The following TUSC3 variants were observed in gnomAD, a reference collection of about 807,000 sequenced individuals.
The protein encoded by TUSC3 is tumor suppressor candidate 3.
Under a neutral mutation model 44.8 loss-of-function variants are expected in TUSC3, and 45 were observed. The ratio of observed to expected loss-of-function variants is 1.00; its 90% confidence interval spans 0.79 to 1.29. The LOEUF (loss-of-function observed/expected upper bound fraction) is 1.29, where lower values mean the gene tolerates loss of function less well. Ranked by LOEUF, TUSC3 falls within the 50% of genes most tolerant of loss-of-function variation. The pLI is 0.00. For missense variants in TUSC3, 519 were observed against 437.9 expected, an observed-to-expected ratio of 1.19 and a Z score of -1.65; for synonymous variants, 212 against 152.9, an observed-to-expected ratio of 1.39 and a Z score of -2.85.
At chr8:15,523,682 G>GTATATATATATA (rs1167010172) in intron 2 of TUSC3, among the ~76,000 whole-genome samples, 1 of 38,624 alleles carries the variant, frequency 2.6e-5, no homozygotes, top group Admixed American at 2.9e-4. Flanking sequence ...GTGTGTGTGT[G>GTATATATATATA]TGTGTGTGTG....
intron 2 of TUSC3, among the ~76,000 whole-genome samples, chr8:15,535,035 T>C (rs1332957199): frequency 6.6e-6 from 1 of 152,236 alleles, no homozygotes; most frequent in African/African-American, 2.4e-5. Flanking sequence ...TATAGGAGTA[T>C]GGAGTCCTTC....
the TUSC3 span, among the ~76,000 whole-genome samples, chr8:15,849,886 A>G: frequency 6.6e-6 from 1 of 152,168 alleles, no homozygotes. Flanking sequence ...GATCCGGAGC[A>G]TCACTCTCAA....
the TUSC3 span, among the ~76,000 whole-genome samples, chr8:15,810,016 T>G: frequency 1.3e-5 from 2 of 152,204 alleles, no homozygotes; most frequent in African/African-American, 4.8e-5. Flanking sequence ...ATTCTGAATT[T>G]CTTACATGCT....
intron 5 of TUSC3, among the ~76,000 whole-genome samples, chr8:15,669,797 T>C (rs1807860684): frequency 6.6e-6 from 1 of 151,714 alleles, no homozygotes; most frequent in African/African-American, 2.4e-5. Flanking sequence ...TGCCTGCTCT[T>C]GAGTATTTTA....
rs907127091 is a variant in TUSC3, at chr8:15,429,685, C to T, written n.91+12380C>T. ...GTTTGTAGTTCTCCTTGAAGAGGTC[C>T]TTCACATCCCTTGTAAGGTGGATTC... On this transcript the variant is annotated intron_variant and non_coding_transcript_variant, in intron 1 of 5. Coordinates refer to the TUSC3 transcript ENST00000503191. 4.0e-5 allele frequency among the ~76,000 whole-genome samples: 6 copies of T among 151,398 alleles called. 1 individual carries two copies. The highest frequency in any genetic ancestry group is 1.2e-4 in the African/African-American group (5 of 40,848).
rs184906027 is a variant in TUSC3 at position 15,716,085 on chromosome 8, G to A, written c.799-14581G>A. 5.8e-3 allele frequency among the ~76,000 whole-genome samples: 877 copies of A among 151,878 alleles called. 10 individuals are homozygous for A. The highest frequency in any genetic ancestry group is 0.02 in the African/African-American group (819 of 41,430). On this transcript the variant is annotated intron_variant, in intron 6 of 10. Coordinates refer to ENST00000503731, the MANE Select transcript of TUSC3 (RefSeq NM_006765.4). ...AGGCTGGCCAACATGGTGAAACCCC[G>A]CCTCTACTAAAAATACAAAAATTAG...
chr8:15,626,443 C>T (rs553786983), intron 2 of TUSC3, among the ~76,000 whole-genome samples: 47 of 152,298 alleles, frequency 3.1e-4, no homozygotes, highest in South Asian at 1.9e-3. Context: ...AGACAGTAGC[C>T]CTACCCTGCC....
intron 7 of TUSC3, among the ~76,000 whole-genome samples, chr8:15,739,611 T>C (rs1811099606): frequency 6.6e-6 from 1 of 151,484 alleles, no homozygotes; most frequent in Non-Finnish European, 1.5e-5. Flanking sequence ...TTCATAGACA[T>C]CTTTAAAATG....
intron 2 of TUSC3, among the ~76,000 whole-genome samples, chr8:15,503,753 G>T (rs115422132): frequency 6.6e-6 from 1 of 151,812 alleles, no homozygotes; most frequent in Non-Finnish European, 1.5e-5. Flanking sequence ...CTGTAATTCC[G>T]GCACTTTGGG....
intron 6 of TUSC3, among the ~76,000 whole-genome samples, chr8:15,721,442 T>C (rs1274462581): frequency 2.6e-5 from 4 of 152,064 alleles, no homozygotes; most frequent in Non-Finnish European, 5.9e-5. Flanking sequence ...AGTTGCTTTT[T>C]TTCCCCCAGG....
At chr8:15,539,928 C>G (rs1389146745), upstream of TUSC3, among the ~76,000 whole-genome samples, 2 of 152,126 alleles carry the variant, frequency 1.3e-5, no homozygotes, top group Admixed American at 1.3e-4. Flanking sequence ...TAATAATGAT[C>G]TCAATGGGAA....
intron 1 of TUSC3, among the ~76,000 whole-genome samples, chr8:15,466,756 C>A (rs931360902): frequency 1.3e-5 from 2 of 152,070 alleles, no homozygotes; most frequent in African/African-American, 4.8e-5. Context: ...AAAATCAAGT[C>A]ATCTTAGTAT....
intron 2 of TUSC3, among the ~76,000 whole-genome samples, chr8:15,505,552 A>G (rs533857221): frequency 3.3e-5 from 5 of 152,294 alleles, no homozygotes; most frequent in Admixed American, 6.5e-5. Flanking sequence ...TTCCGATTCC[A>G]TAGTTTCCTT....
Position 15,540,332 on chromosome 8 carries a change from A to C in TUSC3, c.-99A>C. The C allele has an allele frequency of 1.5e-6, 2 of 1,369,452 alleles. No individual in the cohort carries two copies. Among genetic ancestry groups the C allele is most frequent in the South Asian group, 3.4e-5 (2 of 58,624 alleles). 84.8% of individuals were successfully genotyped at this position (1,369,452 alleles called of 1,614,324 possible). On this transcript the variant is annotated 5_prime_UTR_variant, in exon 1 of 11. Transcript: ENST00000503731. ...AAGCCGCTGCCATCCCGGAGGGCCCAGCCAGCGGGCTCCCGGAGGCTGGCC... is the reference window on the plus strand; with the variant it reads ...AAGCCGCTGCCATCCCGGAGGGCCCCGCCAGCGGGCTCCCGGAGGCTGGCC...
the TUSC3 span, among the ~76,000 whole-genome samples, chr8:15,833,572 C>T: frequency 6.6e-6 from 1 of 152,062 alleles, no homozygotes; most frequent in Non-Finnish European, 1.5e-5. Flanking sequence ...TTATCCTTAG[C>T]CAATCAATGC....
intron 6 of TUSC3, among the ~76,000 whole-genome samples, chr8:15,726,575 C>G (rs1810505380): frequency 6.6e-6 from 1 of 152,032 alleles, no homozygotes; most frequent in Non-Finnish European, 1.5e-5. Flanking sequence ...GGAGGCCAAA[C>G]TGGCCGGATC....
At chr8:15,842,591 T>G in the TUSC3 span, among the ~76,000 whole-genome samples, 1 of 152,150 alleles carries the variant, frequency 6.6e-6, no homozygotes, top group Non-Finnish European at 1.5e-5. Flanking sequence ...TTCCTGTGCA[T>G]GCAAAGCAAG....
chr8:15,540,526 G>A lies in TUSC3; in HGVS notation c.96G>A (p.Leu32=), dbSNP rs756857166. The change falls in exon 1 of 11, where the codon CTG becomes CTA. Residue 32 remains leucine, a synonymous_variant. Coordinates refer to ENST00000503731, the MANE Select transcript of TUSC3 (RefSeq NM_006765.4). ...GCTTTCCCTTCCTTCTCCTGCTGCT[G>A]CTGCTCTGCATCCAGCTCGGGGGAG... The part of the protein sequence containing the change: ...TGSFPFLLLL[L]LLCIQLGGGQ... 6.2e-7 allele frequency: 1 copy of A among 1,605,964 alleles called. No homozygotes were observed. Among genetic ancestry groups the A allele is most frequent in the Admixed American group, 1.7e-5 (1 of 59,484 alleles).
chr8:15,779,700 G>T, the TUSC3 span, among the ~76,000 whole-genome samples: 1 of 152,086 alleles, frequency 6.6e-6, no homozygotes, highest in Non-Finnish European at 1.5e-5. Flanking sequence ...TTTTAATTGC[G>T]TGTTTTTAAA....
Sources: gnomAD v4.1 joint callset for allele counts (sites outside exome capture counted in the v4.1 genomes callset) on GRCh38, gnomAD v4.1.1 for gene constraint, MANE v1.5 for transcripts, NCBI Gene and HGNC (gene_info 2026-07-23, HGNC 2026-07-21) for gene names.